The following EPHA6 variants were observed in gnomAD, a reference collection of about 807,000 sequenced individuals.
The protein encoded by EPHA6 is EPH receptor A6, also known as ephrin type-A receptor 6.
Under a neutral mutation model 112.0 loss-of-function variants are expected in EPHA6, and 50 were observed. The ratio of observed to expected loss-of-function variants is 0.45; its 90% CI spans 0.36 to 0.56. The LOEUF (loss-of-function observed/expected upper bound fraction) is 0.56. EPHA6 is among the 20% of genes least tolerant of loss of function. The pLI is 0.00. For missense variants in EPHA6, 1,280 were observed against 1,417.4 expected, an observed-to-expected ratio of 0.90 and a Z score of 1.56; for synonymous variants, 529 against 490.7, an observed-to-expected ratio of 1.08 and a Z score of -1.03.
At chr3:97,567,925 T>G (rs1196521973) in intron 11 of EPHA6, among the ~76,000 whole-genome samples, 1 of 152,020 alleles carries the variant, frequency 6.6e-6, no homozygotes, top group Admixed American at 6.6e-5. Flanking sequence ...AGTGAACAGT[T>G]TAGGATTGGT....
chr3:97,000,708 T>C (rs2107901153), intron 3 of EPHA6, among the ~76,000 whole-genome samples: 1 of 151,794 alleles, frequency 6.6e-6, no homozygotes, highest in East Asian at 1.9e-4. Context: ...AGGTAAAGGT[T>C]TTTAGTGTAA....
intron 2 of EPHA6, among the ~76,000 whole-genome samples, chr3:96,949,801 A>AC (rs1384452706): frequency 6.6e-6 from 1 of 152,108 alleles, no homozygotes; most frequent in Non-Finnish European, 1.5e-5. Flanking sequence ...TCTCTCTAGG[A>AC]CATCTCATTT....
chr3:97,443,956 C>T (rs1472370123), intron 6 of EPHA6, among the ~76,000 whole-genome samples: 6 of 152,156 alleles, frequency 3.9e-5, no homozygotes, highest in African/African-American at 1.2e-4. Context: ...AGCACAACTT[C>T]GATGGAAGCC....
At chr3:97,106,879 T>G (rs1418750863) in intron 3 of EPHA6, among the ~76,000 whole-genome samples, 1 of 151,966 alleles carries the variant, frequency 6.6e-6, no homozygotes, top group Admixed American at 6.6e-5. Flanking sequence ...GATAAGGAAA[T>G]TTTTCTCATT....
intron 3 of EPHA6, among the ~76,000 whole-genome samples, chr3:97,144,822 C>A (rs2075999618): frequency 6.6e-6 from 1 of 150,842 alleles, no homozygotes; most frequent in Non-Finnish European, 1.5e-5. Flanking sequence ...TTCTTTTCTC[C>A]TCTGTACATT....
Position 97,076,610 on chromosome 3 carries a change from A to G in EPHA6, c.1114+88617A>G, listed in dbSNP as rs544544145. Among the ~76,000 whole-genome samples the G allele has an allele frequency of 4.6e-5, 7 of 152,314 alleles. No homozygotes were observed. The South Asian group carries it at 8.3e-4, about 18-fold the overall frequency. ...GGATGAAGGTAGCTACACTAACAAC[A>G]TATTTTAATTTTAGACAGAGCAGCA... On this transcript the variant is annotated intron_variant, in intron 3 of 17. Transcript: ENST00000389672.
intron 2 of EPHA6, among the ~76,000 whole-genome samples, chr3:96,933,693 A>G (rs1263148011): frequency 6.6e-6 from 1 of 152,182 alleles, no homozygotes; most frequent in Non-Finnish European, 1.5e-5. Context: ...AGAGTTTCTT[A>G]GAAGAAGAAT....
intron 10 of EPHA6, among the ~76,000 whole-genome samples, chr3:97,505,964 G>C (rs181882790): frequency 5.7e-4 from 86 of 152,156 alleles, no homozygotes; most frequent in African/African-American, 2.0e-3. Context: ...TCATGTGTTT[G>C]TTTGGCCACA....
intron 3 of EPHA6, among the ~76,000 whole-genome samples, chr3:97,084,603 A>G (rs560204446): frequency 1.3e-5 from 2 of 152,208 alleles, no homozygotes; most frequent in East Asian, 3.9e-4. Flanking sequence ...ATTTGCACCA[A>G]TAACATTCAA....
chr3:97,295,823 G>A lies in EPHA6; in HGVS notation c.1606+51536G>A, dbSNP rs1275097593. 3.9e-5 allele frequency among the ~76,000 whole-genome samples: 6 copies of A among 152,200 alleles called. No homozygotes were observed. The East Asian group carries it at 1.2e-3, about 29-fold the overall frequency. On this transcript the variant is annotated intron_variant, in intron 5 of 17. Coordinates refer to ENST00000389672, the MANE Select transcript of EPHA6 (RefSeq NM_001080448.3). ...GTGGTGTCCATGATTTCCTCAGTGTGTTAGTCTGTGGTTTTCATTGGAGGC... is the reference window on the plus strand; with the variant it reads ...GTGGTGTCCATGATTTCCTCAGTGTATTAGTCTGTGGTTTTCATTGGAGGC...
intron 2 of EPHA6, among the ~76,000 whole-genome samples, chr3:96,902,925 C>T (rs561372277): frequency 8.5e-5 from 13 of 152,126 alleles, no homozygotes; most frequent in South Asian, 2.1e-4. Context: ...AGTAAATAGA[C>T]GAGAGAGAAG....
chr3:97,300,280 C>T (rs964670983), intron 5 of EPHA6, among the ~76,000 whole-genome samples: 28 of 152,074 alleles, frequency 1.8e-4, no homozygotes, highest in African/African-American at 6.5e-4. Flanking sequence ...CTTGAAGTTA[C>T]GTTTTATCTG....
intron 5 of EPHA6, among the ~76,000 whole-genome samples, chr3:97,395,680 GT>G (rs1214633892): frequency 6.6e-6 from 1 of 151,366 alleles, no homozygotes; most frequent in African/African-American, 2.4e-5. Flanking sequence ...ATTTCATTGA[GT>G]TTTTTATTAT....
intron 5 of EPHA6, among the ~76,000 whole-genome samples, chr3:97,302,489 T>A (rs547675652): frequency 2.9e-4 from 44 of 151,206 alleles, no homozygotes; most frequent in East Asian, 5.8e-4. Flanking sequence ...TTTTTTTTTT[T>A]AATTTATTAT....
rs1265030427 is a variant in EPHA6 at position 97,761,372 on chromosome 3, G to A, written c.*12671G>A. 1 of 185,708 alleles carries A rather than the reference G, an allele frequency of 5.4e-6. No homozygotes were observed. The highest frequency in any genetic ancestry group is 1.1e-5 in the Non-Finnish European group (1 of 87,736). The allele number at this position is 185,708 out of a possible 1,614,324, so 11.5% of individuals were successfully genotyped here. Reference sequence around the variant, plus strand: ...TATGCTGTTTAGCAAACTACCTGCTGAGCAACATAATAAGATTTTTGTACA... The same window carrying A: ...TATGCTGTTTAGCAAACTACCTGCTAAGCAACATAATAAGATTTTTGTACA... On this transcript the variant is annotated 3_prime_UTR_variant, in exon 18 of 18. Coordinates refer to ENST00000389672, the MANE Select transcript of EPHA6 (RefSeq NM_001080448.3).
At chr3:97,667,963 A>T (rs1024357782) in intron 14 of EPHA6, among the ~76,000 whole-genome samples, 12 of 152,212 alleles carry the variant, frequency 7.9e-5, no homozygotes, top group African/African-American at 2.9e-4. Context: ...GCGCTAAATA[A>T]ACTATAAATT....
intron 2 of EPHA6, among the ~76,000 whole-genome samples, chr3:96,980,413 C>G (rs2042716620): frequency 6.6e-6 from 1 of 151,886 alleles, no homozygotes; most frequent in Non-Finnish European, 1.5e-5. Context: ...TGGTCTATAT[C>G]TCTGTTTTGG....
At chr3:97,502,574 C>T (rs1361364765) in intron 10 of EPHA6, among the ~76,000 whole-genome samples, 3 of 151,784 alleles carry the variant, frequency 2.0e-5, no homozygotes, top group Admixed American at 6.6e-5. Context: ...GTGGCTCACG[C>T]CTGTAATCCT....
chr3:97,418,634 AC>A (rs2088334130), intron 6 of EPHA6, among the ~76,000 whole-genome samples: 1 of 152,176 alleles, frequency 6.6e-6, no homozygotes, highest in Non-Finnish European at 1.5e-5. Context: ...TTAGAGATAA[AC>A]AAAAAGAGGG....
Sources: gnomAD v4.1 joint callset for allele counts (sites outside exome capture counted in the v4.1 genomes callset) on GRCh38, gnomAD v4.1.1 for gene constraint, MANE v1.5 for transcripts, NCBI Gene and HGNC (gene_info 2026-07-23, HGNC 2026-07-21) for gene names.